The following NKAIN3 variants were observed in gnomAD, a reference collection of about 807,000 sequenced individuals.
The protein encoded by NKAIN3 is sodium/potassium-transporting ATPase subunit beta-1-interacting protein 3.
Under a neutral mutation model 30.2 loss-of-function variants are expected in NKAIN3, and 25 were observed. The ratio of observed to expected loss-of-function variants is 0.83; its 90% CI spans 0.60 to 1.16. The LOEUF (loss-of-function observed/expected upper bound fraction) is 1.16. Ranked by LOEUF, NKAIN3 falls within the 50% of genes most tolerant of loss-of-function variation. The pLI is 0.00. For missense variants in NKAIN3, 225 were observed against 254.1 expected (o/e 0.89, Z 0.78); for synonymous variants, 91 against 89.6 (o/e 1.02, Z -0.09).
At chr8:62,651,719 G>A (rs1328547318) in intron 3 of NKAIN3, among the ~76,000 whole-genome samples, 2 of 152,112 alleles carry the variant, frequency 1.3e-5, no homozygotes, top group African/African-American at 4.8e-5. Context: ...TCTGGTGGGA[G>A]GTGATTTGAT....
At chr8:62,803,076 T>C (rs2130698062) in intron 4 of NKAIN3, among the ~76,000 whole-genome samples, 1 of 152,334 alleles carries the variant, frequency 6.6e-6, no homozygotes, top group Non-Finnish European at 1.5e-5. Flanking sequence ...ATCCTAAATA[T>C]ATATGCACCC....
At chr8:62,277,135 A>C (rs1812988939) in intron 1 of NKAIN3, among the ~76,000 whole-genome samples, 1 of 152,192 alleles carries the variant, frequency 6.6e-6, no homozygotes, top group African/African-American at 2.4e-5. Context: ...GTCCAGGGTA[A>C]ATACTATTGA....
rs1460775280 is a variant in NKAIN3, at chr8:62,579,520, C to T, written c.55-19C>T. On this transcript the variant is annotated intron_variant, in intron 1 of 6. Coordinates refer to ENST00000623646, the MANE Select transcript of NKAIN3 (RefSeq NM_001304533.3). ...GATGCTTGGATTCAATGCTAATGAA[C>T]TTTCTTTTTTTGTTGTAGGTCTCAG... 1.1e-5 allele frequency: 18 copies of T among 1,590,312 alleles called. No individual in the cohort carries two copies. Among genetic ancestry groups the T allele is most frequent in the African/African-American group, 5.5e-5 (4 of 73,338 alleles).
intron 3 of NKAIN3, among the ~76,000 whole-genome samples, chr8:62,655,744 C>T (rs781130271): frequency 9.9e-5 from 15 of 151,862 alleles, no homozygotes; most frequent in Non-Finnish European, 2.1e-4. Flanking sequence ...TGCAGGCAGG[C>T]GGATATACAG....
chr8:62,415,039 T>C (rs1563388406), intron 1 of NKAIN3, among the ~76,000 whole-genome samples: 1 of 141,072 alleles, frequency 7.1e-6, no homozygotes, highest in East Asian at 2.0e-4. Context: ...ATTAGAAATA[T>C]TATATATATA....
chr8:62,781,445 TA>T (rs947714275), intron 4 of NKAIN3, among the ~76,000 whole-genome samples: 1 of 151,582 alleles, frequency 6.6e-6, no homozygotes, highest in African/African-American at 2.4e-5. Context: ...GTGTATGGAA[TA>T]AAAAATGAGC....
At chr8:62,493,595 C>T (rs1807143221) in intron 1 of NKAIN3, among the ~76,000 whole-genome samples, 1 of 152,084 alleles carries the variant, frequency 6.6e-6, no homozygotes, top group Non-Finnish European at 1.5e-5. Flanking sequence ...AGCATTGAAT[C>T]TGTAAATGGC....
At chr8:62,256,823 C>T (rs1048477486) in intron 1 of NKAIN3, among the ~76,000 whole-genome samples, 5 of 152,158 alleles carry the variant, frequency 3.3e-5, no homozygotes, top group Non-Finnish European at 5.9e-5. Context: ...CCTCAGGGCT[C>T]ATACTGCATG....
chr8:62,500,846 A>C (rs1807425968), intron 1 of NKAIN3, among the ~76,000 whole-genome samples: 1 of 152,094 alleles, frequency 6.6e-6, no homozygotes, highest in Non-Finnish European at 1.5e-5. Context: ...GAGTCAAACT[A>C]TATTCTCTTG....
At chr8:62,496,385 C>G (rs1010101429) in intron 1 of NKAIN3, among the ~76,000 whole-genome samples, 1 of 152,094 alleles carries the variant, frequency 6.6e-6, no homozygotes, top group Non-Finnish European at 1.5e-5. Flanking sequence ...TTAGTCTTAT[C>G]TAAATGATGT....
At chr8:62,286,648 T>C (rs1813388282) in intron 1 of NKAIN3, among the ~76,000 whole-genome samples, 1 of 152,152 alleles carries the variant, frequency 6.6e-6, no homozygotes, top group Non-Finnish European at 1.5e-5. Context: ...GTCTGTACCA[T>C]GGCAAGTCAC....
intron 1 of NKAIN3, among the ~76,000 whole-genome samples, chr8:62,282,387 T>C (rs2129396996): frequency 6.6e-6 from 1 of 152,304 alleles, no homozygotes; most frequent in Middle Eastern, 3.4e-3. Context: ...GTGTGGGGCC[T>C]GGGCTTGTAG....
chr8:62,806,989 C>A (rs916987452), intron 4 of NKAIN3, among the ~76,000 whole-genome samples: 3 of 151,966 alleles, frequency 2.0e-5, no homozygotes, highest in Non-Finnish European at 4.4e-5. Flanking sequence ...CCACTGATGA[C>A]CCTGCCCAAA....
rs1301857058 is a variant in NKAIN3, at chr8:62,978,046, T to G, written c.*12639T>G. The G allele has an allele frequency of 6.2e-6, 1 of 161,046 alleles. No homozygotes were observed. The highest frequency in any genetic ancestry group is 6.5e-5 in the Admixed American group (1 of 15,408). The allele number at this position is 161,046 out of a possible 1,614,324, so 10.0% of individuals were successfully genotyped here. ...TTGCATGGGTATCACCAGCAGAGGC[T>G]GCAGAACAGCAAAGATTGCTGCCTC... On this transcript the variant is annotated 3_prime_UTR_variant, in exon 7 of 7. Coordinates refer to ENST00000623646, the MANE Select transcript of NKAIN3 (RefSeq NM_001304533.3).
chr8:62,822,324 G>A (rs1485924625), intron 4 of NKAIN3, among the ~76,000 whole-genome samples: 1 of 152,116 alleles, frequency 6.6e-6, no homozygotes, highest in African/African-American at 2.4e-5. Context: ...AAAATTGAAA[G>A]CAGTTGAAAT....
intron 3 of NKAIN3, among the ~76,000 whole-genome samples, chr8:62,666,009 T>C (rs1586066601): frequency 6.6e-6 from 1 of 150,532 alleles, no homozygotes; most frequent in African/African-American, 2.4e-5. Flanking sequence ...AGGTCAGGAG[T>C]TCAAGATTAG....
At chr8:62,268,819 G>C (rs559584087) in intron 1 of NKAIN3, among the ~76,000 whole-genome samples, 11 of 152,204 alleles carry the variant, frequency 7.2e-5, no homozygotes, top group Admixed American at 2.0e-4. Flanking sequence ...GGCTATTTTT[G>C]TATGGTTCTG....
chr8:62,439,454 G>A (rs1805262930), intron 1 of NKAIN3, among the ~76,000 whole-genome samples: 1 of 152,182 alleles, frequency 6.6e-6, no homozygotes, highest in African/African-American at 2.4e-5. Flanking sequence ...GAGCCTGGAA[G>A]CAAGAAAGCA....
chr8:62,763,213 C>T (rs976731728), intron 4 of NKAIN3, among the ~76,000 whole-genome samples: 1 of 91,028 alleles, frequency 1.1e-5, no homozygotes, highest in African/African-American at 4.2e-5. Flanking sequence ...AAGTGCGAGA[C>T]TCCGTCTCAA....
Sources: gnomAD v4.1 joint callset for allele counts (sites outside exome capture counted in the v4.1 genomes callset) on GRCh38, gnomAD v4.1.1 for gene constraint, MANE v1.5 for transcripts, NCBI Gene and HGNC (gene_info 2026-07-23, HGNC 2026-07-21) for gene names.